DEPDC5: variants seen among roughly 807,000 people sequenced by gnomAD.
DEPDC5 encodes DEP domain containing 5, GATOR1 subcomplex subunit, also known as GATOR1 complex protein DEPDC5.
DEPDC5 carries 73 observed loss-of-function variants against 217.3 expected under a neutral mutation model. That is an observed-to-expected ratio of 0.34 (90% CI 0.28 to 0.41). The LOEUF (loss-of-function observed/expected upper bound fraction) is 0.41. Ranked by LOEUF, DEPDC5 falls within the 10% of genes least tolerant of loss-of-function variation. DEPDC5 has a pLI of 1.00. For synonymous variants in DEPDC5, 733 were observed against 756.7 expected, an observed-to-expected ratio of 0.97 and a Z score of 0.51; for missense variants, 1,675 against 2,070.1, an observed-to-expected ratio of 0.81 and a Z score of 3.70.
intron 41 of DEPDC5, among the ~76,000 whole-genome samples, chr22:31,904,415 A>G (rs897726044): frequency 1.2e-4 from 19 of 152,234 alleles, no homozygotes; most frequent in Non-Finnish European, 2.6e-4. Context: ...AGGCTGATCC[A>G]TGCTGAGGAA....
intron 38 of DEPDC5, among the ~76,000 whole-genome samples, chr22:31,893,138 T>G (rs547606575): frequency 6.6e-6 from 1 of 152,156 alleles, no homozygotes; most frequent in South Asian, 2.1e-4. Flanking sequence ...CCTCCCAAAG[T>G]GCTGGGATTA....
intron 41 of DEPDC5, among the ~76,000 whole-genome samples, chr22:31,904,717 C>T (rs2093726174): frequency 1.3e-5 from 2 of 152,180 alleles, no homozygotes; most frequent in African/African-American, 4.8e-5. Flanking sequence ...GCAGTCCAGC[C>T]TGGATGACAG....
chr22:31,804,552 G>T (rs2087271335), intron 16 of DEPDC5, among the ~76,000 whole-genome samples: 1 of 152,144 alleles, frequency 6.6e-6, no homozygotes, highest in Admixed American at 6.5e-5. Context: ...CAGTTCTCCT[G>T]CCTCAGCCTC....
rs1283955876 is a variant in DEPDC5, at chr22:31,845,235, C to T, written c.3019C>T (p.Arg1007Trp). Residue 1007 changes from arginine (R) to tryptophan (W), a missense_variant and splice_region_variant, in exon 30 of 43, where the codon CGG (arginine) becomes TGG (tryptophan). Physicochemically the swap from Arg to Trp is moderately radical, Grantham distance 101. Coordinates refer to ENST00000651528, the MANE Select transcript of DEPDC5 (RefSeq NM_001242896.3). ...GCGGCATCGCTCGGATCGCATGATG[C>T]GGGTAAGGGCTCCTTAGACTCAGGG... ...RRRHRSDRMM[R>W]KGTAMKGLQM... 9 of 1,612,604 alleles carry T rather than the reference C, an allele frequency of 5.6e-6. No individual in the cohort carries two copies. The highest frequency in any genetic ancestry group is 1.3e-5 in the African/African-American group (1 of 74,920).
In DEPDC5 at chr22:31,882,678, AAAAT is replaced by A. The variant is rs1344115463; in HGVS notation, c.4033+2931_4033+2934del. ...AACACATTTTAGCAAAATGTTTTGC[AAAAT>A]AAATCTGTTAAATTTTGATCTTTTA... On this transcript the variant is annotated intron_variant, in intron 38 of 42. Transcript: ENST00000651528. Among the ~76,000 whole-genome samples the A allele has an allele frequency of 6.6e-5, 10 of 152,346 alleles. No individual in the cohort carries two copies. The East Asian group carries it at 1.9e-3, about 29-fold the overall frequency.
chr22:31,884,249 C>G (rs1349586971), intron 38 of DEPDC5, among the ~76,000 whole-genome samples: 1 of 152,186 alleles, frequency 6.6e-6, no homozygotes, highest in Non-Finnish European at 1.5e-5. Flanking sequence ...ACACAAGACC[C>G]CAGCCCTCGC....
rs1355943980 is a variant in DEPDC5 at position 31,906,797 on chromosome 22, G to T, written c.*300G>T. The T allele has an allele frequency of 4.1e-6, 2 of 482,994 alleles. No individual in the cohort carries two copies. The highest frequency in any genetic ancestry group is 3.6e-5 in the Admixed American group (1 of 27,838). The allele number at this position is 482,994 out of a possible 1,614,324, so 29.9% of individuals were successfully genotyped here. On this transcript the variant is annotated 3_prime_UTR_variant, in exon 43 of 43. Transcript: ENST00000651528. This position sits in a 1 kb window ranked among gnomAD's most constrained non-coding sequence, Gnocchi z 5.1. ...GTGGGAGGGCTCCAGTGTCTGGGAA[G>T]AGGGCAGGCGGCCCCCATGAATGTC...
Position 31,792,772 on chromosome 22 carries a change from C to T in DEPDC5, c.722C>T (p.Ser241Leu), listed in dbSNP as rs1397187284. The stretch of plus-strand genomic sequence containing the variant: ...GAATTTCCTGAAATAAACCGAGCCT[C>T]AATTCGACAGGATCACAAGGGGAGA... ...VDEFPEINRA[S>L]IRQDHKGRFY... The change falls in exon 12 of 43, where the codon TCA becomes TTA. Residue 241 changes from serine (S) to leucine (L), a missense_variant. By Grantham distance (145) the Ser-to-Leu change is moderately radical. Coordinates refer to ENST00000651528, the MANE Select transcript of DEPDC5 (RefSeq NM_001242896.3). 1.5e-5 allele frequency: 24 copies of T among 1,554,136 alleles called. No homozygotes were observed. Among genetic ancestry groups the T allele is most frequent in the Admixed American group, 2.2e-5 (1 of 46,394 alleles).
intron 9 of DEPDC5, 184 bp downstream of exon 9, chr22:31,784,169 A>G: frequency 4.2e-6 from 2 of 478,164 alleles, no homozygotes; most frequent in Non-Finnish European, 7.3e-6. Flanking sequence ...ACTTTTTTCA[A>G]TAATCAAATT....
chr22:31,905,464 C>G (rs565231447), intron 41 of DEPDC5, among the ~76,000 whole-genome samples: 1 of 151,562 alleles, frequency 6.6e-6, no homozygotes, highest in East Asian at 2.0e-4. Context: ...GGCAACAGTG[C>G]GAGATTCCCT....
At chr22:31,813,158 A>G (rs2055714519) in intron 20 of DEPDC5, among the ~76,000 whole-genome samples, 1 of 152,152 alleles carries the variant, frequency 6.6e-6, no homozygotes, top group African/African-American at 2.4e-5. Context: ...TCTCTCATCC[A>G]GTCCTACCTG....
intron 31 of DEPDC5, among the ~76,000 whole-genome samples, chr22:31,851,815 T>C (rs1038084604): frequency 6.6e-6 from 1 of 152,144 alleles, no homozygotes; most frequent in African/African-American, 2.4e-5. Flanking sequence ...GGACATGGAA[T>C]TGGAAAGACA....
At chr22:31,869,410 A>G (rs956398598) in intron 33 of DEPDC5, among the ~76,000 whole-genome samples, 1 of 151,756 alleles carries the variant, frequency 6.6e-6, no homozygotes, top group African/African-American at 2.4e-5. Context: ...CTAAAGACTG[A>G]TGGGATTAGC....
At chr22:31,882,442 AAGC>A (rs2093202453) in intron 38 of DEPDC5, among the ~76,000 whole-genome samples, 1 of 152,238 alleles carries the variant, frequency 6.6e-6, no homozygotes, top group Non-Finnish European at 1.5e-5. Flanking sequence ...GAGCTGAAGA[AAGC>A]AAAAAGATTT....
intron 11 of DEPDC5, 111 bp from the exon 12 acceptor site, chr22:31,792,634 A>T: frequency 2.2e-6 from 1 of 445,408 alleles, no homozygotes; most frequent in Non-Finnish European, 3.7e-6. Context: ...AAAAAAAAAG[A>T]CAGTTATCTT....
At chr22:31,868,002 G>T (rs918932789) in intron 33 of DEPDC5, among the ~76,000 whole-genome samples, 2 of 152,242 alleles carry the variant, frequency 1.3e-5, no homozygotes, top group Admixed American at 6.5e-5. Context: ...TTACGGCATG[G>T]TCTCATTTAA....
At chr22:31,824,403 T>C (rs1193445821) in intron 24 of DEPDC5, among the ~76,000 whole-genome samples, 1 of 152,114 alleles carries the variant, frequency 6.6e-6, no homozygotes, top group Non-Finnish European at 1.5e-5. Flanking sequence ...AATTGGTTGA[T>C]GATATTTTCC....
intron 26 of DEPDC5, 136 bp downstream of exon 26, chr22:31,837,291 G>A: frequency 1.2e-6 from 1 of 800,852 alleles, no homozygotes; most frequent in Admixed American, 3.3e-5. Context: ...GAGGAGATTA[G>A]CATGGCCGTT....
chr22:31,826,041 C>T (rs2090120773), intron 24 of DEPDC5, among the ~76,000 whole-genome samples: 1 of 151,908 alleles, frequency 6.6e-6, no homozygotes, highest in Admixed American at 6.6e-5. Context: ...GAGACTCACT[C>T]TGTCTCCCAG....
Sources: gnomAD v4.1 joint callset for allele counts (sites outside exome capture counted in the v4.1 genomes callset) on GRCh38, gnomAD v4.1.1 for gene constraint, Gnocchi (gnomAD v3.1) non-coding constraint, MANE v1.5 for transcripts, NCBI Gene and HGNC (gene_info 2026-07-23, HGNC 2026-07-21) for gene names.